ATXN1: variants seen among roughly 807,000 people sequenced by gnomAD.
ATXN1 encodes ataxin 1.
ATXN1 carries 8 observed loss-of-function variants against 56.4 expected under a neutral mutation model. The ratio of observed to expected loss-of-function variants is 0.14; its 90% CI spans 0.08 to 0.26. The LOEUF is 0.26. ATXN1 is among the 10% of genes least tolerant of loss of function. ATXN1 has a pLI of 1.00. For synonymous variants in ATXN1, 514 were observed against 494.6 expected (o/e 1.04, Z -0.52); for missense variants, 987 against 1,106.5 (o/e 0.89, Z 1.53).
intron 6 of ATXN1, among the ~76,000 whole-genome samples, chr6:16,334,536 C>T (rs191882421): frequency 6.7e-4 from 102 of 152,068 alleles, no homozygotes; most frequent in African/African-American, 2.4e-3. Context: ...GACAACATAT[C>T]GAGATCCTGT....
At chr6:16,400,381 TA>T (rs1403427386) in intron 6 of ATXN1, among the ~76,000 whole-genome samples, 1 of 152,000 alleles carries the variant, frequency 6.6e-6, no homozygotes, top group Non-Finnish European at 1.5e-5. Context: ...GCTCCGTGGC[TA>T]CTTCCTCTAT....
chr6:16,628,304 C>A (rs899914088), intron 3 of ATXN1, among the ~76,000 whole-genome samples: 3 of 152,194 alleles, frequency 2.0e-5, no homozygotes, highest in Non-Finnish European at 4.4e-5. Context: ...CCGTGCCCGT[C>A]CCTAAAATCC....
chr6:16,690,428 A>G (rs758106583), intron 2 of ATXN1, among the ~76,000 whole-genome samples: 6 of 151,692 alleles, frequency 4.0e-5, no homozygotes, highest in Non-Finnish European at 7.4e-5. Context: ...GATTAACTCC[A>G]AAGTTCTCTT....
At chr6:16,527,610 G>A (rs1157409984) in intron 4 of ATXN1, among the ~76,000 whole-genome samples, 1 of 152,152 alleles carries the variant, frequency 6.6e-6, no homozygotes, top group Non-Finnish European at 1.5e-5. Flanking sequence ...TGGTCCAGCC[G>A]ATGCAATTTT....
chr6:16,728,695 C>G (rs772461572), intron 2 of ATXN1, among the ~76,000 whole-genome samples: 1 of 152,204 alleles, frequency 6.6e-6, no homozygotes, highest in African/African-American at 2.4e-5. Context: ...ATAATCCCCA[C>G]TCTTCAGATG....
intron 3 of ATXN1, among the ~76,000 whole-genome samples, chr6:16,643,399 C>T (rs943519218): frequency 2.0e-5 from 3 of 151,960 alleles, no homozygotes; most frequent in African/African-American, 2.4e-5. Context: ...GAGGCCAAGA[C>T]GGGTAGACTG....
At chr6:16,509,227 C>T (rs1209278495) in intron 5 of ATXN1, among the ~76,000 whole-genome samples, 1 of 152,146 alleles carries the variant, frequency 6.6e-6, no homozygotes, top group African/African-American at 2.4e-5. Context: ...AACCCAGCTA[C>T]CTCTCTCTGA....
chr6:16,414,563 C>T lies in ATXN1; in HGVS notation c.-161+71409G>A, dbSNP rs1051037005. Among the ~76,000 whole-genome samples, 3 of 152,348 alleles carry T rather than the reference C, an allele frequency of 2.0e-5. No homozygotes were observed. In the South Asian group the frequency reaches 6.2e-4, roughly 32 times the overall value. ...TCTAGACTTATTCAAACCTGCTTCT[C>T]ATAGTTCAAACTTGTACTCACTGCT... On this transcript the variant is annotated intron_variant, in intron 6 of 7. Transcript: ENST00000436367.
intron 3 of ATXN1, among the ~76,000 whole-genome samples, chr6:16,610,612 A>T (rs770662945): frequency 2.6e-5 from 4 of 152,144 alleles, no homozygotes; most frequent in Non-Finnish European, 5.9e-5. Flanking sequence ...TTGGATCCCA[A>T]GGAGCAACAA....
chr6:16,641,633 T>C (rs909523008), intron 3 of ATXN1, among the ~76,000 whole-genome samples: 1 of 152,226 alleles, frequency 6.6e-6, no homozygotes, highest in African/African-American at 2.4e-5. Context: ...CTGATGGAAA[T>C]ATACAAGGAG....
At chr6:16,457,796 C>T (rs2046117453) in intron 6 of ATXN1, among the ~76,000 whole-genome samples, 1 of 152,166 alleles carries the variant, frequency 6.6e-6, no homozygotes, top group South Asian at 2.1e-4. Flanking sequence ...AATGATGAGC[C>T]TCCTCTAATC....
intron 7 of ATXN1, among the ~76,000 whole-genome samples, chr6:16,309,209 C>T (rs1760329084): frequency 6.9e-6 from 1 of 144,240 alleles, no homozygotes; most frequent in African/African-American, 2.6e-5. Flanking sequence ...GCCTGGACAA[C>T]AGAGTGAGAC....
chr6:16,362,647 G>A (rs1561867475), intron 6 of ATXN1, among the ~76,000 whole-genome samples: 1 of 152,216 alleles, frequency 6.6e-6, no homozygotes, highest in Non-Finnish European at 1.5e-5. Flanking sequence ...GTTGGGCAGA[G>A]AGACACTTTC....
intron 3 of ATXN1, chr6:16,652,758 A>G (rs952889161): frequency 6.6e-6 from 1 of 152,238 alleles, no homozygotes; most frequent in African/African-American, 2.4e-5. Flanking sequence ...CATGAAGCAC[A>G]TATTAAAAGC....
At chr6:16,369,155 T>G (rs1424110152) in intron 6 of ATXN1, among the ~76,000 whole-genome samples, 1 of 152,188 alleles carries the variant, frequency 6.6e-6, no homozygotes, top group Non-Finnish European at 1.5e-5. Context: ...GAAGGAAACT[T>G]TCTTCCTCTA....
chr6:16,535,946 C>A (rs2113710956), intron 4 of ATXN1, among the ~76,000 whole-genome samples: 1 of 152,250 alleles, frequency 6.6e-6, no homozygotes, highest in East Asian at 1.9e-4. Flanking sequence ...ATGGTTGGCT[C>A]ACGCCTGTAA....
intron 2 of ATXN1, among the ~76,000 whole-genome samples, chr6:16,751,169 A>T (rs1760708325): frequency 6.6e-6 from 1 of 151,994 alleles, no homozygotes; most frequent in African/African-American, 2.4e-5. Context: ...GGATTTCATC[A>T]TGTTGGCCAG....
intron 2 of ATXN1, chr6:16,749,940 T>C (rs1182062345): frequency 3.3e-5 from 5 of 152,400 alleles, no homozygotes; most frequent in Middle Eastern, 3.1e-3. Context: ...CACCAGCACC[T>C]AGGCTTCAGT....
chr6:16,461,667 C>A (rs1760000893), intron 6 of ATXN1, among the ~76,000 whole-genome samples: 1 of 152,204 alleles, frequency 6.6e-6, no homozygotes, highest in African/African-American at 2.4e-5. Context: ...AAAGTACTAA[C>A]TCATGAAATA....
Sources: gnomAD v4.1 joint callset for allele counts (sites outside exome capture counted in the v4.1 genomes callset) on GRCh38, gnomAD v4.1.1 for gene constraint, MANE v1.5 for transcripts, NCBI Gene and HGNC (gene_info 2026-07-23, HGNC 2026-07-21) for gene names.